CADPS2: variants seen among roughly 807,000 people sequenced by gnomAD.
The protein encoded by CADPS2 is calcium-dependent secretion activator 2.
In CADPS2, 93 loss-of-function variants were observed where a neutral mutation model predicts 172.5. That is an observed-to-expected ratio of 0.54 (90% confidence interval 0.46 to 0.64). The LOEUF (loss-of-function observed/expected upper bound fraction) is 0.64, where lower values mean the gene tolerates loss of function less well. Ranked by LOEUF, CADPS2 falls within the 30% of genes least tolerant of loss-of-function variation. The probability of loss-of-function intolerance (pLI) is 0.00; values close to 1 mark genes in which losing one functional copy is unlikely to be tolerated. For synonymous variants in CADPS2, 546 were observed against 555.2 expected (o/e 0.98, Z 0.23); for missense variants, 1,420 against 1,565.9 (o/e 0.91, Z 1.57).
intron 1 of CADPS2, among the ~76,000 whole-genome samples, chr7:122,801,490 G>A (rs919186614): frequency 6.6e-6 from 1 of 152,128 alleles, no homozygotes; most frequent in African/African-American, 2.4e-5. Flanking sequence ...CAGTATTCAA[G>A]GTCCTTCATT....
Position 122,379,306 on chromosome 7 carries a change from A to T in CADPS2, c.3387+62T>A, listed in dbSNP as rs1011442815. The T allele has an allele frequency of 2.8e-6, 3 of 1,061,316 alleles. No individual in the cohort carries two copies. In the African/African-American group the frequency reaches 4.8e-5, roughly 17 times the overall value. 65.7% of individuals were successfully genotyped at this position (1,061,316 alleles called of 1,614,324 possible). A position where few individuals can be genotyped will look rare whatever the true frequency, so the allele number is the denominator to read the frequency against. ...TCTCAATTAGATATTTAAAAACATT[A>T]AAAAATTCTCCATTGACAATTTTTC... On this transcript the variant is annotated intron_variant, in intron 25 of 29. Transcript: ENST00000449022.
intron 14 of CADPS2, among the ~76,000 whole-genome samples, chr7:122,466,566 T>C (rs1364304433): frequency 6.6e-6 from 1 of 152,204 alleles, no homozygotes. Flanking sequence ...CTGTTTGTGG[T>C]ATGTTGTCAT....
chr7:122,572,479 T>C (rs1225118850), intron 7 of CADPS2, among the ~76,000 whole-genome samples: 1 of 152,178 alleles, frequency 6.6e-6, no homozygotes, highest in African/African-American at 2.4e-5. Context: ...TCCTTCTGTT[T>C]GTAGAAATGT....
At chr7:122,331,159 T>C (rs2034880142) in intron 28 of CADPS2, 1 of 107,396 alleles carries the variant, frequency 9.3e-6, no homozygotes, top group African/African-American at 3.5e-5. Flanking sequence ...TTGTCTGTTA[T>C]TTTTTTTTTA....
chr7:122,411,595 C>A (rs1483204343), intron 19 of CADPS2, among the ~76,000 whole-genome samples: 1 of 152,088 alleles, frequency 6.6e-6, no homozygotes, highest in East Asian at 1.9e-4. Flanking sequence ...CCTAAACGAG[C>A]AAAAACAGTG....
At chr7:122,397,961 G>A (rs892113665) in intron 20 of CADPS2, among the ~76,000 whole-genome samples, 7 of 152,032 alleles carry the variant, frequency 4.6e-5, no homozygotes, top group Non-Finnish European at 8.8e-5. Context: ...CTTTTTTCCC[G>A]AAAAGATTCC....
chr7:122,754,793 A>C (rs1171317260), intron 1 of CADPS2, among the ~76,000 whole-genome samples: 3 of 152,184 alleles, frequency 2.0e-5, no homozygotes, highest in African/African-American at 7.2e-5. Context: ...TCAAACTTTT[A>C]ATCTTATGAA....
chr7:122,380,359 G>A (rs1454469994), intron 24 of CADPS2, among the ~76,000 whole-genome samples: 2 of 152,038 alleles, frequency 1.3e-5, no homozygotes, highest in Non-Finnish European at 2.9e-5. Context: ...AGGCTTCTTG[G>A]AACAGCTAAC....
chr7:122,551,448 A>G (rs1454956195), intron 8 of CADPS2, among the ~76,000 whole-genome samples: 1 of 152,080 alleles, frequency 6.6e-6, no homozygotes, highest in Non-Finnish European at 1.5e-5. Flanking sequence ...AAAAATATAA[A>G]TAACATTGAT....
At chr7:122,695,383 GA>G (rs2084938964) in intron 2 of CADPS2, among the ~76,000 whole-genome samples, 2 of 152,264 alleles carry the variant, frequency 1.3e-5, no homozygotes, top group Non-Finnish European at 2.9e-5. Flanking sequence ...AGGTACAAGA[GA>G]AAATGGTATA....
At position 122,702,231 on chromosome 7, in the gene CADPS2, T is replaced by G. The variant is rs777791353; in HGVS notation, c.453+34724A>C. Reference sequence around the variant, plus strand: ...ATTCTCCCCACTTCAATGATGACTGTCACATAGACTCCTTTCTGAATCGAG... The same window carrying G: ...ATTCTCCCCACTTCAATGATGACTGGCACATAGACTCCTTTCTGAATCGAG... On this transcript the variant is annotated intron_variant, in intron 2 of 29. Coordinates refer to ENST00000449022, the MANE Select transcript of CADPS2 (RefSeq NM_017954.11). The G allele has an allele frequency of 3.7e-6, 6 of 1,613,854 alleles. No individual in the cohort carries two copies. In the South Asian group the frequency reaches 6.6e-5, roughly 18 times the overall value.
At chr7:122,663,092 T>C in intron 3 of CADPS2, 145 bp downstream of exon 3, 1 of 632,006 alleles carries the variant, frequency 1.6e-6, no homozygotes, top group Non-Finnish European at 2.8e-6. Context: ...CAAATATCAC[T>C]ATGTGATCTA....
At chr7:122,724,250 G>C (rs1001661417) in intron 2 of CADPS2, among the ~76,000 whole-genome samples, 1 of 151,944 alleles carries the variant, frequency 6.6e-6, no homozygotes, top group African/African-American at 2.4e-5. Flanking sequence ...GTGGGCTCAT[G>C]GAAGTCAGGG....
intron 1 of CADPS2, among the ~76,000 whole-genome samples, chr7:122,788,392 C>T (rs1344465063): frequency 6.6e-6 from 1 of 152,176 alleles, no homozygotes; most frequent in East Asian, 1.9e-4. Context: ...CTGGACATGG[C>T]ATTTCACATC....
intron 6 of CADPS2, among the ~76,000 whole-genome samples, chr7:122,612,551 A>G (rs1487177561): frequency 6.6e-6 from 1 of 152,080 alleles, no homozygotes; most frequent in Non-Finnish European, 1.5e-5. Context: ...GTCTAAATAC[A>G]TAGAAAGACA....
At chr7:122,771,016 G>A (rs2093690842) in intron 1 of CADPS2, among the ~76,000 whole-genome samples, 2 of 152,198 alleles carry the variant, frequency 1.3e-5, no homozygotes, top group South Asian at 2.1e-4. Flanking sequence ...GACAGGGCAA[G>A]TTTTATCCTG....
chr7:122,742,049 T>C (rs909688873), intron 1 of CADPS2, among the ~76,000 whole-genome samples: 1 of 152,196 alleles, frequency 6.6e-6, no homozygotes, highest in African/African-American at 2.4e-5. Context: ...CAATGGATCA[T>C]AAGTTCTGAG....
chr7:122,731,839 C>G (rs2137544815), intron 2 of CADPS2, among the ~76,000 whole-genome samples: 1 of 151,784 alleles, frequency 6.6e-6, no homozygotes, highest in East Asian at 1.9e-4. Context: ...CGTCCCTCTA[C>G]CATCATGTCT....
chr7:122,788,184 C>A (rs1794487438), intron 1 of CADPS2, among the ~76,000 whole-genome samples: 1 of 152,178 alleles, frequency 6.6e-6, no homozygotes, highest in African/African-American at 2.4e-5. Context: ...TATAAAGTGT[C>A]TTAACAACCC....
Sources: allele counts gnomAD v4.1 joint callset (sites outside exome capture counted in the v4.1 genomes callset), GRCh38; gene constraint gnomAD v4.1.1; transcripts MANE v1.5; gene names NCBI Gene and HGNC (gene_info 2026-07-23, HGNC 2026-07-21).